Variants in CHD3 observed in about 807,000 individuals in gnomAD.
The protein encoded by CHD3 is ATP-dependent chromatin remodeler CHD3.
A neutral mutation model predicts 248.9 loss-of-function variants in CHD3; 52 were observed. The ratio of observed to expected loss-of-function variants is 0.21; its 90% CI spans 0.17 to 0.26. CHD3 has a LOEUF of 0.26. Among genes scored for constraint, CHD3 ranks in the 10% least tolerant of loss-of-function variants. The pLI is 1.00. For synonymous variants in CHD3, 985 were observed against 985.2 expected (o/e 1.00, Z 0.00); for missense variants, 1,482 against 2,605.8 (o/e 0.57, Z 9.39).
chr17:7,910,346 C>G lies in CHD3; in HGVS notation c.5591-82C>G, dbSNP rs771229411. ...TCTTTTTCTGCCTGTATCTGTCCAT[C>G]TGATGCCTCTCTTTTCCTGGCTCCA... On this transcript the variant is annotated intron_variant, in intron 37 of 39. Coordinates refer to ENST00000330494, the MANE Select transcript of CHD3 (RefSeq NM_001005273.3). This position sits in a 1 kb window ranked among gnomAD's most constrained non-coding sequence, Gnocchi z 4.7. 1 of 1,555,730 alleles carries G rather than the reference C, an allele frequency of 6.4e-7. No individual in the cohort carries two copies.
rs1382441211 is a variant in CHD3, at chr17:7,909,077, G to A, written c.5395-66G>A. 7.2e-5 allele frequency: 111 copies of A among 1,539,520 alleles called. No individual in the cohort carries two copies. The highest frequency in any genetic ancestry group is 9.8e-5 in the East Asian group (4 of 40,778). On this transcript the variant is annotated intron_variant, in intron 36 of 39. Transcript: ENST00000330494. This position sits in a 1 kb window ranked among gnomAD's most constrained non-coding sequence, Gnocchi z 8.1. Reference sequence around the variant, plus strand: ...GCAGGGTGGGTCTCTTGCTATGTCCGCCCCCCCAGCCCCTCACCCACTGCT... The same window carrying A: ...GCAGGGTGGGTCTCTTGCTATGTCCACCCCCCCAGCCCCTCACCCACTGCT...
rs775923538 is a variant in CHD3, at chr17:7,901,231, C to T, written c.3121-13C>T. The T allele has an allele frequency of 1.3e-6, 2 of 1,589,338 alleles. No individual in the cohort carries two copies. Among genetic ancestry groups the T allele is most frequent in the East Asian group, 4.5e-5 (2 of 44,472 alleles). ...AACTGACCCCCTCCTCCTCCTCTCT[C>T]CTCCCTTTTCAGGAGTCCCCCAAAC... is the stretch of plus-strand genomic sequence containing the variant. On this transcript the variant is annotated splice_polypyrimidine_tract_variant and intron_variant, in intron 19 of 39. Coordinates refer to ENST00000330494, the MANE Select transcript of CHD3 (RefSeq NM_001005273.3).
Position 7,911,026 on chromosome 17 carries a change from T to C in CHD3, c.5881+53T>C. ...TACTCACACTCCTCCTTTGCCAAAC[T>C]TTATTTCTGCTCAGCTGCCCTTTAA... is the stretch of plus-strand genomic sequence containing the variant. On this transcript the variant is annotated intron_variant, in intron 39 of 39. Transcript: ENST00000330494. This position sits in a 1 kb window ranked among gnomAD's most constrained non-coding sequence, Gnocchi z 5.4. The C allele has an allele frequency of 6.2e-7, 1 of 1,605,702 alleles. No individual in the cohort carries two copies. Among genetic ancestry groups the C allele is most frequent in the Admixed American group, 1.7e-5 (1 of 57,210 alleles).
Position 7,900,726 on chromosome 17 carries a change from G to C in CHD3, c.2973G>C (p.Met991Ile). The stretch of plus-strand genomic sequence containing the variant: ...TCGTTCGGGTGGAGCTAAGCCCCAT[G>C]CAGAAGTAAGATGCAAGACGAGCTG... ...ELIVRVELSP[M>I]QKKYYKYILT... Residue 991 changes from methionine to isoleucine, a missense_variant, in exon 18 of 40, where the codon ATG becomes ATC. By Grantham distance (10) the Met-to-Ile change is conservative. Around this residue, in one of 20 missense-constraint regions of CHD3, gnomAD observed 36 missense variants for 189.3 expected, o/e 0.19. Coordinates refer to ENST00000330494, the MANE Select transcript of CHD3 (RefSeq NM_001005273.3). This position sits in a 1 kb window ranked among gnomAD's most constrained non-coding sequence, Gnocchi z 6.5. The C allele has an allele frequency of 6.2e-7, 1 of 1,612,430 alleles. No individual in the cohort carries two copies. The highest frequency in any genetic ancestry group is 2.2e-5 in the East Asian group (1 of 44,814).
Position 7,888,845 on chromosome 17 carries a change from A to G in CHD3, c.-156A>G, listed in dbSNP as rs1968400841. ...TAGATGAATGGGTCAGGATATCTGG[A>G]ACAAAATATGGAGGTGAAGGGTGAG... On this transcript the variant is annotated 5_prime_UTR_variant, in exon 1 of 40. Transcript: ENST00000330494. 6.9e-7 allele frequency: 1 copy of G among 1,457,312 alleles called. No homozygotes were observed. The highest frequency in any genetic ancestry group is 9.0e-7 in the Non-Finnish European group (1 of 1,109,228). The allele number at this position is 1,457,312 out of a possible 1,614,324, so 90.3% of individuals were successfully genotyped here. A position where few individuals can be genotyped will look rare whatever the true frequency, so the allele number is the denominator to read the frequency against.
In CHD3 at chr17:7,907,255, G is replaced by A. The variant is rs756925185; in HGVS notation, c.4788+8G>A. ...GAGAAGATGGAGACAGAGGTGTGTG[G>A]CTCCCTGGATTCCCCTGTGGAGCGG... On this transcript the variant is annotated splice_region_variant and intron_variant, in intron 31 of 39. Coordinates refer to ENST00000330494, the MANE Select transcript of CHD3 (RefSeq NM_001005273.3). The surrounding 1 kb of genome is among the most constrained non-coding windows in gnomAD (Gnocchi z 4.3). The A allele has an allele frequency of 4.3e-6, 7 of 1,614,106 alleles. No homozygotes were observed. In the African/African-American group the frequency reaches 9.3e-5, roughly 22 times the overall value.
In CHD3 at chr17:7,904,711, G is replaced by C. The variant is rs1597985822; in HGVS notation, c.4072+92G>C. 213 of 1,152,966 alleles carry C rather than the reference G, an allele frequency of 1.8e-4. No individual in the cohort carries two copies. Among genetic ancestry groups the C allele is most frequent in the Non-Finnish European group, 2.4e-4 (193 of 815,546 alleles). The allele number at this position is 1,152,966 out of a possible 1,614,324, so 71.4% of individuals were successfully genotyped here. ...GAGCTATTTAGAGGGAAAGAGAGAA[G>C]CCTAGAAGTCAGAGCCTTCCTCTGC... On this transcript the variant is annotated intron_variant, in intron 25 of 39. Transcript: ENST00000330494. The surrounding 1 kb of genome is among the most constrained non-coding windows in gnomAD (Gnocchi z 4.4).
In CHD3 at chr17:7,910,032, G is replaced by T; in HGVS notation, c.5591-396G>T. Reference sequence around the variant, plus strand: ...AGCTTTGACACTTACCACCTCCCATGCCTCCTGACTATTTCCTCCCCATCA... The same window carrying T: ...AGCTTTGACACTTACCACCTCCCATTCCTCCTGACTATTTCCTCCCCATCA... On this transcript the variant is annotated intron_variant, in intron 37 of 39. Transcript: ENST00000330494. The surrounding 1 kb of genome is among the most constrained non-coding windows in gnomAD (Gnocchi z 4.7). The T allele has an allele frequency of 6.6e-6, 2 of 303,356 alleles. No individual in the cohort carries two copies. The allele number at this position is 303,356 out of a possible 1,614,324, so 18.8% of individuals were successfully genotyped here. A position where few individuals can be genotyped will look rare whatever the true frequency, so the allele number is the denominator to read the frequency against.
In CHD3 at chr17:7,898,113, G is replaced by T; in HGVS notation, c.2051+11G>T. The T allele has an allele frequency of 6.2e-7, 1 of 1,612,952 alleles. No individual in the cohort carries two copies. The highest frequency in any genetic ancestry group is 1.7e-4 in the Middle Eastern group (1 of 6,056). On this transcript the variant is annotated intron_variant, in intron 12 of 39. Coordinates refer to ENST00000330494, the MANE Select transcript of CHD3 (RefSeq NM_001005273.3). Reference sequence around the variant, plus strand: ...CTACTGGAGACACCGGTGAGGGAATGAGCTTGTGGATTCAAGGGATTCTGA... The same window carrying T: ...CTACTGGAGACACCGGTGAGGGAATTAGCTTGTGGATTCAAGGGATTCTGA...
chr17:7,890,920 C>T lies in CHD3; in HGVS notation c.385-20C>T. 6.2e-7 allele frequency: 1 copy of T among 1,613,640 alleles called. No homozygotes were observed. The highest frequency in any genetic ancestry group is 8.5e-7 in the Non-Finnish European group (1 of 1,179,874). On this transcript the variant is annotated intron_variant, in intron 3 of 39. Transcript: ENST00000330494. ...AGGGGCTGGAGGAGCACCTACTTCA[C>T]CAAAGCCCCTCTCCCGCAGCAAGTG...
intron 12 of CHD3, 123 bp from the exon 13 acceptor site, chr17:7,898,373 G>T: frequency 1.2e-6 from 1 of 819,616 alleles, no homozygotes; most frequent in South Asian, 1.8e-5. Context: ...AAAGAGCCTG[G>T]GAAAAAGGAA....
In CHD3 at chr17:7,910,942, C is replaced by T. The variant is rs1567878860; in HGVS notation, c.5850C>T (p.Tyr1950=). The T allele has an allele frequency of 6.2e-7, 1 of 1,613,586 alleles. No individual in the cohort carries two copies. Among genetic ancestry groups the T allele is most frequent in the Non-Finnish European group, 8.5e-7 (1 of 1,179,820 alleles). Residue 1950 remains tyrosine (Y), a synonymous_variant, in exon 39 of 40, where the codon TAC becomes TAT. Coordinates refer to ENST00000330494, the MANE Select transcript of CHD3 (RefSeq NM_001005273.3). The surrounding 1 kb of genome is among the most constrained non-coding windows in gnomAD (Gnocchi z 4.7). The part of the protein sequence containing the change: ...VGALAAAGAN[Y]SQMPAGSFIT... ...CCCTGGCCGCCGCAGGCGCCAATTA[C>T]AGCCAGATGCCTGCAGGGTCCTTCA...
intron 4 of CHD3, among the ~76,000 whole-genome samples, chr17:7,892,807 T>C (rs1969078911): frequency 6.6e-6 from 1 of 152,206 alleles, no homozygotes; most frequent in African/African-American, 2.4e-5. Context: ...TTTCCCTTTT[T>C]TTAAAGACAG....
Position 7,908,527 on chromosome 17 carries a change from A to G in CHD3, c.5261+17A>G, listed in dbSNP as rs1188392006. ...GATTGTCCTGTATCCTTTGATACAC[A>G]TGCAAGAAGGAAAAGGTTCTCTCAA... On this transcript the variant is annotated intron_variant, in intron 35 of 39. Transcript: ENST00000330494. This position sits in a 1 kb window ranked among gnomAD's most constrained non-coding sequence, Gnocchi z 5.8. 3.1e-6 allele frequency: 5 copies of G among 1,591,388 alleles called. No homozygotes were observed. The highest frequency in any genetic ancestry group is 4.3e-6 in the Non-Finnish European group (5 of 1,160,654).
intron 4 of CHD3, among the ~76,000 whole-genome samples, chr17:7,892,743 C>A (rs1969066378): frequency 6.6e-6 from 1 of 152,180 alleles, no homozygotes; most frequent in South Asian, 2.1e-4. Context: ...GATCCTCCCA[C>A]CTTGGCCTCC....
At position 7,906,483 on chromosome 17, in the gene CHD3, G is replaced by T. The variant is rs1055268392; in HGVS notation, c.4359-70G>T. Reference sequence around the variant, plus strand: ...GGTTTGGGGGTCCTCAGTCATCCTCGCGCCTCCCTCACTGCCCTATACCCC... The same window carrying T: ...GGTTTGGGGGTCCTCAGTCATCCTCTCGCCTCCCTCACTGCCCTATACCCC... On this transcript the variant is annotated intron_variant, in intron 28 of 39. Transcript: ENST00000330494. The surrounding 1 kb of genome is among the most constrained non-coding windows in gnomAD (Gnocchi z 5.0). 1 of 1,547,736 alleles carries T rather than the reference G, an allele frequency of 6.5e-7. No homozygotes were observed. The highest frequency in any genetic ancestry group is 8.9e-7 in the Non-Finnish European group (1 of 1,129,840).
chr17:7,899,387 C>T lies in CHD3; in HGVS notation c.2388C>T (p.Thr796=). The T allele has an allele frequency of 6.2e-7, 1 of 1,614,162 alleles. No homozygotes were observed. Among genetic ancestry groups the T allele is most frequent in the African/African-American group, 1.3e-5 (1 of 75,018 alleles). The change falls in exon 15 of 40, where the codon ACC becomes ACT. Residue 796 remains threonine, a synonymous_variant. Coordinates refer to ENST00000330494, the MANE Select transcript of CHD3 (RefSeq NM_001005273.3). The surrounding 1 kb of genome is among the most constrained non-coding windows in gnomAD (Gnocchi z 6.8). The part of the protein sequence containing the change: ...GPFLVSAPLS[T]IINWEREFQM... ...TCCTGGTGAGTGCCCCACTCTCTAC[C>T]ATCATTAACTGGGAGCGGGAGTTCC...
At chr17:7,902,871 C>A in intron 21 of CHD3, 66 bp from the exon 22 acceptor site, 1 of 1,596,780 alleles carries the variant, frequency 6.3e-7, no homozygotes. Flanking sequence ...CATCAGAGAA[C>A]ATCTAGGAGC....
chr17:7,895,318 T>G lies in CHD3; in HGVS notation c.1504-21T>G. The G allele has an allele frequency of 6.2e-7, 1 of 1,613,564 alleles. No homozygotes were observed. Among genetic ancestry groups the G allele is most frequent in the South Asian group, 1.1e-5 (1 of 91,054 alleles). On this transcript the variant is annotated intron_variant, in intron 9 of 39. Coordinates refer to ENST00000330494, the MANE Select transcript of CHD3 (RefSeq NM_001005273.3). The surrounding 1 kb of genome is among the most constrained non-coding windows in gnomAD (Gnocchi z 4.9). ...TTTCTGCCTCTTTCTTTCCTCCTCC[T>G]TGTACGTGTCCATCCCAAAGTGCCC...
Sources: allele counts gnomAD v4.1 joint callset (sites outside exome capture counted in the v4.1 genomes callset), GRCh38; gene constraint gnomAD v4.1.1; regional missense constraint gnomAD v4.1.1; non-coding constraint Gnocchi (gnomAD v3.1); transcripts MANE v1.5; gene names NCBI Gene and HGNC (gene_info 2026-07-23, HGNC 2026-07-21).